CNBD1: variants seen among roughly 807,000 people sequenced by gnomAD.
CNBD1 encodes the protein cyclic nucleotide-binding domain-containing protein 1.
A neutral mutation model predicts 54.4 loss-of-function variants in CNBD1; 71 were observed. The ratio of observed to expected loss-of-function variants is 1.30; its 90% confidence interval spans 1.08 to 1.59. The LOEUF (loss-of-function observed/expected upper bound fraction) is 1.59, where lower values mean the gene tolerates loss of function less well. CNBD1 is among the 40% of genes most tolerant of loss of function. The pLI is 0.00. For missense variants in CNBD1, 659 were observed against 518.0 expected, an observed-to-expected ratio of 1.27 and a Z score of -2.64; for synonymous variants, 182 against 170.7, an observed-to-expected ratio of 1.07 and a Z score of -0.51.
chr8:86,926,121 T>C (rs1372359319), intron 3 of CNBD1, among the ~76,000 whole-genome samples: 1 of 152,166 alleles, frequency 6.6e-6, no homozygotes, highest in Non-Finnish European at 1.5e-5. Flanking sequence ...TACAGAGCGC[T>C]GATTGGTGCA....
intron 6 of CNBD1, among the ~76,000 whole-genome samples, chr8:87,269,176 G>T (rs528856605): frequency 6.6e-6 from 1 of 152,152 alleles, no homozygotes; most frequent in East Asian, 1.9e-4. Flanking sequence ...TTACTGAATA[G>T]GCAGTCCTTT....
At chr8:87,103,723 G>A (rs1039660011) in intron 4 of CNBD1, among the ~76,000 whole-genome samples, 1 of 152,150 alleles carries the variant, frequency 6.6e-6, no homozygotes, top group African/African-American at 2.4e-5. Flanking sequence ...TCCCACCCAC[G>A]ACACATGGGG....
chr8:87,257,764 G>A (rs974432841), intron 6 of CNBD1, among the ~76,000 whole-genome samples: 1 of 152,018 alleles, frequency 6.6e-6, no homozygotes, highest in African/African-American at 2.4e-5. Context: ...CTTAGACTGT[G>A]GAGTTCAAAT....
intron 4 of CNBD1, among the ~76,000 whole-genome samples, chr8:87,195,560 T>C (rs894840764): frequency 1.3e-5 from 2 of 150,416 alleles, no homozygotes; most frequent in African/African-American, 4.9e-5. Flanking sequence ...AGTTTAAATA[T>C]TGTTTTTTTT....
downstream of CNBD1, among the ~76,000 whole-genome samples, chr8:87,387,554 A>T (rs1434959131): frequency 6.6e-6 from 1 of 152,204 alleles, no homozygotes; most frequent in Non-Finnish European, 1.5e-5. Flanking sequence ...AAGAAGAGCT[A>T]ACTATCCTAA....
chr8:87,240,592 C>T (rs1807673113), intron 6 of CNBD1, among the ~76,000 whole-genome samples: 1 of 152,122 alleles, frequency 6.6e-6, no homozygotes, highest in African/African-American at 2.4e-5. Flanking sequence ...CTTATTGTGC[C>T]ATAGAATCCA....
At chr8:86,872,238 G>A (rs1808452789) in intron 1 of CNBD1, among the ~76,000 whole-genome samples, 1 of 152,136 alleles carries the variant, frequency 6.6e-6, no homozygotes, top group East Asian at 1.9e-4. Context: ...TGTTTCCTGT[G>A]TTTGGGGTTC....
chr8:86,936,742 CA>C (rs35376017), intron 3 of CNBD1, among the ~76,000 whole-genome samples: 33,836 of 100,674 alleles, frequency 0.34, 4,118 homozygotes, highest in Middle Eastern at 0.47. Flanking sequence ...GACTCCATCT[CA>C]AAAAAAAAAA....
intron 2 of CNBD1, 74 bp from the exon 3 acceptor site, chr8:86,905,007 T>C (rs910131627): frequency 1.9e-5 from 15 of 771,054 alleles, no homozygotes; most frequent in African/African-American, 1.8e-4. Flanking sequence ...TACGTATATA[T>C]TGAGTTAAAA....
chr8:86,975,150 C>T (rs1808313294), intron 4 of CNBD1, among the ~76,000 whole-genome samples: 1 of 151,908 alleles, frequency 6.6e-6, no homozygotes, highest in Non-Finnish European at 1.5e-5. Flanking sequence ...GTATGGCTTA[C>T]AGTGTGATGT....
chr8:87,379,114 A>T (rs1472320375), intron 10 of CNBD1, among the ~76,000 whole-genome samples: 1 of 151,552 alleles, frequency 6.6e-6, no homozygotes, highest in Non-Finnish European at 1.5e-5. Context: ...GGACAATTTG[A>T]CTTCCTCTTT....
At chr8:87,196,109 T>A (rs1002942247) in intron 4 of CNBD1, among the ~76,000 whole-genome samples, 1 of 152,156 alleles carries the variant, frequency 6.6e-6, no homozygotes, top group Non-Finnish European at 1.5e-5. Context: ...TTATACTCCC[T>A]CACAGGTAGA....
chr8:87,104,787 A>G (rs1384475784), intron 4 of CNBD1, among the ~76,000 whole-genome samples: 3 of 152,198 alleles, frequency 2.0e-5, no homozygotes, highest in Admixed American at 2.0e-4. Flanking sequence ...AAACACTATT[A>G]TGTGCCATAG....
At chr8:87,151,595 T>C (rs1430604385) in intron 4 of CNBD1, among the ~76,000 whole-genome samples, 10 of 152,170 alleles carry the variant, frequency 6.6e-5, no homozygotes, top group Non-Finnish European at 1.5e-4. Flanking sequence ...GCATATTCTC[T>C]GGGCAATTGC....
At chr8:87,361,736 G>A (rs114076589) in intron 10 of CNBD1, among the ~76,000 whole-genome samples, 1,959 of 148,382 alleles carry the variant, frequency 0.013, 52 homozygotes, top group African/African-American at 0.045. Flanking sequence ...GAAAATCTTT[G>A]GCTAATATGT....
chr8:86,928,712 T>G (rs925065830), intron 3 of CNBD1, among the ~76,000 whole-genome samples: 1 of 152,188 alleles, frequency 6.6e-6, no homozygotes, highest in African/African-American at 2.4e-5. Context: ...AGTGCCCTAT[T>G]TTTTGTTCCC....
intron 2 of CNBD1, among the ~76,000 whole-genome samples, chr8:86,900,032 G>A (rs756286184): frequency 1.1e-4 from 17 of 152,084 alleles, no homozygotes; most frequent in Non-Finnish European, 2.1e-4. Flanking sequence ...TTGCAATGTG[G>A]TGGGCCTTTG....
chr8:86,925,482 AGTGTGTGTGTGTGT>A (rs71275894), intron 3 of CNBD1, among the ~76,000 whole-genome samples: 24,298 of 141,750 alleles, frequency 0.17, 1,994 homozygotes, highest in Middle Eastern at 0.19. Context: ...CTTACCAAAA[AGTGTGTGTGTGTGT>A]GTGTGTGTGT....
At chr8:87,408,122 A>G (rs1017084328) in intron 2 of CNBD1, among the ~76,000 whole-genome samples, 1 of 152,166 alleles carries the variant, frequency 6.6e-6, no homozygotes, top group African/African-American at 2.4e-5. Flanking sequence ...CCCTTTAGTT[A>G]CATAATCTGC....
Sources: gnomAD v4.1 joint callset for allele counts (sites outside exome capture counted in the v4.1 genomes callset) on GRCh38, gnomAD v4.1.1 for gene constraint, MANE v1.5 for transcripts, NCBI Gene and HGNC (gene_info 2026-07-23, HGNC 2026-07-21) for gene names.